The following METTL25 variants were observed in gnomAD, a reference collection of about 807,000 sequenced individuals.
The protein encoded by METTL25 is methyltransferase like 25.
In METTL25, 64 loss-of-function variants were observed where a neutral mutation model predicts 71.6. The observed-to-expected ratio is 0.89, with a 90% CI of 0.73 to 1.10. The LOEUF (loss-of-function observed/expected upper bound fraction) is 1.10, where lower values mean the gene tolerates loss of function less well. Ranked by LOEUF, METTL25 falls within the 50% of genes least tolerant of loss-of-function variation. The probability of loss-of-function intolerance (pLI) is 0.00; values close to 1 mark genes in which losing one functional copy is unlikely to be tolerated. For missense variants in METTL25, 807 were observed against 707.0 expected (o/e 1.14, Z -1.60); for synonymous variants, 287 against 250.3 (o/e 1.15, Z -1.38).
At chr12:82,455,828 AAAAGTGACAAAAT>A (rs2137252449) in intron 8 of METTL25, among the ~76,000 whole-genome samples, 1 of 152,064 alleles carries the variant, frequency 6.6e-6, no homozygotes, top group East Asian at 1.9e-4. Flanking sequence ...TTTGGAGCAG[AAAAGTGACAAAAT>A]AAAAAGGCTC....
chr12:82,407,525 C>T lies in METTL25; in HGVS notation c.1279+4395C>T, dbSNP rs776571947. Among the ~76,000 whole-genome samples, 4 of 152,182 alleles carry T rather than the reference C, an allele frequency of 2.6e-5. No homozygotes were observed. In the East Asian group the frequency reaches 7.7e-4, roughly 29 times the overall value. ...AGAATCATTGATATGATCAGGCAAA[C>T]AATGCTAGGCTTCAGTGGGGAAAGC... On this transcript the variant is annotated intron_variant, in intron 5 of 11. Transcript: ENST00000248306.
intron 5 of METTL25, among the ~76,000 whole-genome samples, chr12:82,409,045 A>G (rs768163310): frequency 1.1e-4 from 17 of 152,116 alleles, no homozygotes; most frequent in Non-Finnish European, 2.5e-4. Flanking sequence ...ACAGTAGAAA[A>G]TTCTGGTATG....
intron 1 of METTL25, among the ~76,000 whole-genome samples, chr12:82,376,094 A>C (rs1026236369): frequency 3.3e-5 from 5 of 152,254 alleles, no homozygotes; most frequent in Non-Finnish European, 5.9e-5. Context: ...TTTCTAGATT[A>C]AGTAATATGT....
chr12:82,441,008 A>C (rs1890279807), intron 8 of METTL25, among the ~76,000 whole-genome samples: 1 of 152,060 alleles, frequency 6.6e-6, no homozygotes, highest in African/African-American at 2.4e-5. Flanking sequence ...AGCTTTCAAT[A>C]GAAAGACAGT....
At chr12:82,467,786 A>G (rs111962239) in intron 9 of METTL25, among the ~76,000 whole-genome samples, 14 of 151,996 alleles carry the variant, frequency 9.2e-5, no homozygotes, top group South Asian at 2.1e-4. Flanking sequence ...GGTTTAATCT[A>G]TTTGGGGTCT....
intron 5 of METTL25, among the ~76,000 whole-genome samples, chr12:82,413,391 T>C (rs992166828): frequency 2.0e-5 from 3 of 152,078 alleles, no homozygotes; most frequent in South Asian, 2.1e-4. Flanking sequence ...TATAATATAA[T>C]AAATAGGTTT....
intron 1 of METTL25, among the ~76,000 whole-genome samples, chr12:82,372,162 T>A (rs920697636): frequency 6.6e-6 from 1 of 152,208 alleles, no homozygotes; most frequent in Non-Finnish European, 1.5e-5. Context: ...CTAGACCCTG[T>A]AGGACATCCA....
chr12:82,417,196 T>C (rs562534085), intron 5 of METTL25, among the ~76,000 whole-genome samples: 55 of 152,094 alleles, frequency 3.6e-4, no homozygotes, highest in Non-Finnish European at 5.7e-4. Context: ...AAATGACAAA[T>C]ACTTGACTTG....
intron 1 of METTL25, among the ~76,000 whole-genome samples, chr12:82,383,879 C>G (rs944443490): frequency 2.0e-5 from 3 of 152,048 alleles, no homozygotes; most frequent in African/African-American, 7.2e-5. Context: ...AAAAAATAAA[C>G]TGAGATATAT....
rs368993910 is a variant in METTL25, at chr12:82,386,894, A to G, written c.351A>G (p.Val117=). ...CTCTGGCTGCGAAATACTATTCTGT[A>G]CAAAACTTGGGAATATGTACTCCTT... is the stretch of plus-strand genomic sequence containing the variant. ...AFALAAKYYS[V]QNLGICTPFE... is the part of the protein sequence containing the mutation. The change falls in exon 2 of 12, where the codon GTA becomes GTG. Residue 117 remains valine, a synonymous_variant. Transcript: ENST00000248306. 1.4e-5 allele frequency: 23 copies of G among 1,613,412 alleles called. No homozygotes were observed. The African/African-American group carries it at 2.0e-4, about 14-fold the overall frequency.
intron 5 of METTL25, among the ~76,000 whole-genome samples, chr12:82,417,033 T>A (rs994167728): frequency 1.3e-5 from 2 of 152,094 alleles, no homozygotes; most frequent in African/African-American, 4.8e-5. Flanking sequence ...AACTGAGAGG[T>A]CATCTTTACT....
Position 82,434,744 on chromosome 12 carries a change from G to A in METTL25, c.1404+20G>A, listed in dbSNP as rs1264298790. 5.0e-6 allele frequency: 8 copies of A among 1,605,790 alleles called. No individual in the cohort carries two copies. The highest frequency in any genetic ancestry group is 6.0e-6 in the Non-Finnish European group (7 of 1,173,728). The stretch of plus-strand genomic sequence containing the variant: ...CAAGGGGTAAGTAAGAGTGTTAACT[G>A]ATGAACACGACAGTTTTTCTCTCAA... On this transcript the variant is annotated intron_variant, in intron 7 of 11. Transcript: ENST00000248306.
intron 5 of METTL25, among the ~76,000 whole-genome samples, chr12:82,411,093 A>G (rs1887524013): frequency 6.6e-6 from 1 of 152,114 alleles, no homozygotes; most frequent in South Asian, 2.1e-4. Context: ...TCCTAGAAGC[A>G]TTGAAAAGCT....
At chr12:82,433,787 T>A (rs190978357) in intron 6 of METTL25, among the ~76,000 whole-genome samples, 1 of 151,556 alleles carries the variant, frequency 6.6e-6, no homozygotes, top group Non-Finnish European at 1.5e-5. Context: ...TATGAAAATA[T>A]AAAAACCTGA....
chr12:82,448,848 A>G (rs1333854643), intron 8 of METTL25, among the ~76,000 whole-genome samples: 2 of 152,132 alleles, frequency 1.3e-5, no homozygotes, highest in African/African-American at 2.4e-5. Flanking sequence ...TTCAATATGT[A>G]TTAGCATACA....
At position 82,399,064 on chromosome 12, in the gene METTL25, A is replaced by C; in HGVS notation, c.801A>C (p.Thr267=). Reference sequence around the variant, plus strand: ...AGGAAGTGTTTAACAACAGTCCTACAAATCAAGAAAAGATGCCTACCTCAG... The same window carrying C: ...AGGAAGTGTTTAACAACAGTCCTACCAATCAAGAAAAGATGCCTACCTCAG... ...DTEEVFNNSP[T]NQEKMPTSAI... The change falls in exon 4 of 12, where the codon ACA becomes ACC. Residue 267 remains threonine (T), a synonymous_variant. Transcript: ENST00000248306. The C allele has an allele frequency of 6.2e-7, 1 of 1,613,212 alleles. No individual in the cohort carries two copies. Among genetic ancestry groups the C allele is most frequent in the Non-Finnish European group, 8.5e-7 (1 of 1,179,480 alleles).
chr12:82,475,998 A>G (rs1012950717), intron 9 of METTL25, among the ~76,000 whole-genome samples: 8 of 152,114 alleles, frequency 5.3e-5, no homozygotes, highest in Non-Finnish European at 8.8e-5. Context: ...CAACCTGTAT[A>G]TTATGACAAT....
In METTL25 at chr12:82,386,913, A is replaced by G; in HGVS notation, c.370A>G (p.Thr124Ala). Residue 124 changes from threonine (T) to alanine (A), a missense_variant, in exon 2 of 12, where the codon ACT becomes GCT. By Grantham distance (58) the Thr-to-Ala change is moderately conservative. Coordinates refer to ENST00000248306, the MANE Select transcript of METTL25 (RefSeq NM_032230.3). Reference sequence around the variant, plus strand: ...TTCTGTACAAAACTTGGGAATATGTACTCCTTTTGAACAGTTGCTTGTAGC... The same window carrying G: ...TTCTGTACAAAACTTGGGAATATGTGCTCCTTTTGAACAGTTGCTTGTAGC... ...YYSVQNLGIC[T>A]PFEQLLVALR... The G allele has an allele frequency of 6.2e-7, 1 of 1,613,406 alleles. No individual in the cohort carries two copies. The highest frequency in any genetic ancestry group is 8.5e-7 in the Non-Finnish European group (1 of 1,179,592).
chr12:82,476,725 C>G lies in METTL25; in HGVS notation c.1647+7C>G. On this transcript the variant is annotated splice_region_variant and intron_variant, in intron 10 of 11. Transcript: ENST00000248306. ...GCTGGAAGCTTTTAATATGGTAAATCTCAGAGTTAAGCATATTAAATTGGA... is the reference window on the plus strand; with the variant it reads ...GCTGGAAGCTTTTAATATGGTAAATGTCAGAGTTAAGCATATTAAATTGGA... The G allele has an allele frequency of 1.3e-6, 2 of 1,563,504 alleles. No individual in the cohort carries two copies. Among genetic ancestry groups the G allele is most frequent in the Non-Finnish European group, 1.7e-6 (2 of 1,146,376 alleles).
Sources: allele counts gnomAD v4.1 joint callset (sites outside exome capture counted in the v4.1 genomes callset), GRCh38; gene constraint gnomAD v4.1.1; transcripts MANE v1.5; gene names NCBI Gene and HGNC (gene_info 2026-07-23, HGNC 2026-07-21).